Variants in ZNF177 observed in about 807,000 individuals in gnomAD.
The protein encoded by ZNF177 is zinc finger protein 177.
A neutral mutation model predicts 19.4 loss-of-function variants in ZNF177; 17 were observed. The ratio of observed to expected loss-of-function variants is 0.87; its 90% CI spans 0.60 to 1.31. ZNF177 has a LOEUF of 1.31. ZNF177 is among the 40% of genes most tolerant of loss of function. The probability of loss-of-function intolerance (pLI) is 0.00; values close to 1 mark genes in which losing one functional copy is unlikely to be tolerated. For synonymous variants in ZNF177, 220 were observed against 188.7 expected (o/e 1.17, Z -1.36); for missense variants, 633 against 561.8 (o/e 1.13, Z -1.28).
At chr19:9,376,904 T>G (rs1321154359) in intron 1 of ZNF177, among the ~76,000 whole-genome samples, 1 of 152,138 alleles carries the variant, frequency 6.6e-6, no homozygotes, top group Non-Finnish European at 1.5e-5. Flanking sequence ...TGTTACTAAG[T>G]GTCCTTTCTT....
At chr19:9,367,092 G>A (rs890907123) in intron 2 of ZNF177, among the ~76,000 whole-genome samples, 6 of 152,320 alleles carry the variant, frequency 3.9e-5, no homozygotes, top group African/African-American at 9.6e-5. Flanking sequence ...AGGCCCAGGC[G>A]GGCGGATCAT....
In ZNF177 at chr19:9,378,569, A is replaced by G. The variant is rs950630102; in HGVS notation, c.33+225A>G. ...CCATATTTTTGAGTATGAATTCCAT[A>G]CTGTAGTGAGTGCTGTAAAGAAAGA... On this transcript the variant is annotated intron_variant, in intron 2 of 5. Coordinates refer to ENST00000589262, the Ensembl canonical transcript of ZNF177. 6 of 705,296 alleles carry G rather than the reference A, an allele frequency of 8.5e-6. No homozygotes were observed. The African/African-American group carries it at 1.1e-4, about 13-fold the overall frequency. 43.7% of individuals were successfully genotyped at this position (705,296 alleles called of 1,614,324 possible).
At chr19:9,374,794 A>C (rs184127743), upstream of ZNF177, among the ~76,000 whole-genome samples, 157 of 152,204 alleles carry the variant, frequency 1.0e-3, 3 homozygotes, top group African/African-American at 3.6e-3. Context: ...ATATCATGTC[A>C]TCTACAAACA....
At position 9,381,193 on chromosome 19, in the gene ZNF177, G is replaced by C. The variant is rs2068194542; in HGVS notation, c.862G>C (p.Asp288His). 2.5e-6 allele frequency: 4 copies of C among 1,614,186 alleles called. No individual in the cohort carries two copies. The East Asian group carries it at 8.9e-5, about 36-fold the overall frequency. The change falls in exon 6 of 6, where the codon GAC becomes CAC. Residue 288 changes from aspartate to histidine, a missense_variant. Physicochemically the swap from Asp to His is moderately conservative, Grantham distance 81. Coordinates refer to ENST00000589262, the Ensembl canonical transcript of ZNF177. Reference sequence around the variant, plus strand: ...TGGAGAGATGCCCTATGAATGCAGTGACTGTGGGAAAGCCTTCATTTTTCA... The same window carrying C: ...TGGAGAGATGCCCTATGAATGCAGTCACTGTGGGAAAGCCTTCATTTTTCA...
chr19:9,380,673 AAATC>A lies in ZNF177; in HGVS notation c.345_348del (p.Gln116LeufsTer35), dbSNP rs755586436. On this transcript the variant is annotated frameshift_variant, in exon 6 of 6. Coordinates refer to ENST00000589262, the Ensembl canonical transcript of ZNF177. LOFTEE classifies it low-confidence loss of function (END_TRUNC). ...ACTTACTCCCTTTTCAACAGGCAGA[AAATC>A]AACCTGGTGAGCACTCCCTGGAGTG... is the stretch of plus-strand genomic sequence containing the variant. The A allele has an allele frequency of 2.6e-6, 4 of 1,535,586 alleles. No homozygotes were observed. The South Asian group carries it at 3.6e-5, about 14-fold the overall frequency.
chr19:9,368,557 A>G (rs762437686), intron 2 of ZNF177, among the ~76,000 whole-genome samples: 12 of 152,090 alleles, frequency 7.9e-5, no homozygotes, highest in Non-Finnish European at 1.3e-4. Flanking sequence ...CTAGTTCATC[A>G]TCGTATTTTC....
chr19:9,380,291 A>G (rs1040358633), intron 5 of ZNF177, 152 bp downstream of exon 7: 2 of 1,041,610 alleles, frequency 1.9e-6, no homozygotes, highest in African/African-American at 1.7e-5. Context: ...TTTGATTTTC[A>G]TGAAATTGGA....
At position 9,381,039 on chromosome 19, in the gene ZNF177, CTA is replaced by C; in HGVS notation, c.710_711del (p.Tyr237TrpfsTer7). 6 of 1,601,730 alleles carry C rather than the reference CTA, an allele frequency of 3.7e-6. No individual in the cohort carries two copies. The highest frequency in any genetic ancestry group is 5.1e-6 in the Non-Finnish European group (6 of 1,179,004). On this transcript the variant is annotated frameshift_variant, in exon 6 of 6. Transcript: ENST00000589262. LOFTEE classifies it low-confidence loss of function (END_TRUNC). The stretch of plus-strand genomic sequence containing the variant: ...GAGAGAAAGGTGATGAATGCAGTGA[CTA>C]TGGCAAAATATCTCCCCTTAGTGTC...
exon 3 of ZNF177, chr19:9,379,042 A>G (rs538823840): frequency 5.0e-6 from 8 of 1,611,196 alleles, no homozygotes; most frequent in East Asian, 4.5e-5. Flanking sequence ...AAAAAAATCT[A>G]TACAAAGATG....
chr19:9,370,690 G>C (rs1342039543), intron 2 of ZNF177, among the ~76,000 whole-genome samples: 2 of 152,106 alleles, frequency 1.3e-5, no homozygotes, highest in Non-Finnish European at 2.9e-5. Context: ...CCAAAGTGCT[G>C]GGATTACTGG....
chr19:9,379,669 C>T (rs372795429), intron 4 of ZNF177, 50 bp downstream of exon 6: 42 of 1,586,640 alleles, frequency 2.6e-5, no homozygotes, highest in Non-Finnish European at 3.2e-5. Flanking sequence ...AGGGTTAGTA[C>T]ATTTGGGAAT....
chr19:9,382,007 C>A, exon 6 of ZNF177: 2 of 613,942 alleles, frequency 3.3e-6, no homozygotes, highest in Non-Finnish European at 5.2e-6. Flanking sequence ...TTTTAGTTAT[C>A]TTTTCAGTTT....
At chr19:9,380,532 A>C in intron 5 of ZNF177, 136 bp from the exon 8 acceptor site, 2 of 1,514,304 alleles carry the variant, frequency 1.3e-6, no homozygotes, top group Non-Finnish European at 1.8e-6. Context: ...AGTCATACGC[A>C]CCTACTGAAA....
chr19:9,365,095 C>A (rs1407317954), intron 2 of ZNF177, 147 bp downstream of exon 2: 1 of 152,148 alleles, frequency 6.6e-6, no homozygotes, highest in East Asian at 1.9e-4. Context: ...AGTAAAGGAA[C>A]ATCGAGAAGG....
exon 6 of ZNF177, chr19:9,381,902 T>A (rs146870497): frequency 1.4e-6 from 2 of 1,396,124 alleles, no homozygotes; most frequent in South Asian, 1.5e-5. Context: ...ATGCCTGTTA[T>A]ACTGGGACAA....
At chr19:9,376,677 C>G (rs150025384) in intron 1 of ZNF177, among the ~76,000 whole-genome samples, 1 of 152,314 alleles carries the variant, frequency 6.6e-6, no homozygotes, top group Non-Finnish European at 1.5e-5. Flanking sequence ...ACAATTTATA[C>G]TCTTCCATTT....
rs185343874 is a variant in ZNF177 at position 9,379,160 on chromosome 19, C to T, written c.160+72C>T. ...TTAAGCACATATTATGTTCCAGAAT[C>T]TGTGGAAAGAATAGCAATACAGTGG... On this transcript the variant is annotated intron_variant, in intron 3 of 5. Transcript: ENST00000589262. 204 of 1,504,060 alleles carry T rather than the reference C, an allele frequency of 1.4e-4. No individual in the cohort carries two copies. The African/African-American group carries it at 2.5e-3, about 19-fold the overall frequency. 93.2% of individuals were successfully genotyped at this position (1,504,060 alleles called of 1,614,324 possible).
At chr19:9,371,505 A>G (rs759936250), upstream of ZNF177, 1 of 152,110 alleles carries the variant, frequency 6.6e-6, no homozygotes, top group East Asian at 1.9e-4. Context: ...TTTTAGGTTG[A>G]TAAGTTATTT....
chr19:9,381,658 G>A (rs140200535), exon 6 of ZNF177: 58 of 1,611,412 alleles, frequency 3.6e-5, no homozygotes, highest in Non-Finnish European at 4.7e-5. Context: ...GAGGGTACAC[G>A]TGAGAACTCA....
Sources: gnomAD v4.1 joint callset for allele counts (sites outside exome capture counted in the v4.1 genomes callset) on GRCh38, gnomAD v4.1.1 for gene constraint, MANE v1.5 for transcripts, NCBI Gene and HGNC (gene_info 2026-07-23, HGNC 2026-07-21) for gene names.